PPA2: variants seen among roughly 807,000 people sequenced by gnomAD.
PPA2 encodes the protein inorganic pyrophosphatase 2, mitochondrial.
A neutral mutation model predicts 49.5 loss-of-function variants in PPA2; 48 were observed. The ratio of observed to expected loss-of-function variants is 0.97; its 90% CI spans 0.77 to 1.23. The LOEUF (loss-of-function observed/expected upper bound fraction) is 1.23. PPA2 is among the 50% of genes most tolerant of loss of function. PPA2 has a pLI of 0.00. For missense variants in PPA2, 429 were observed against 410.1 expected, an observed-to-expected ratio of 1.05 and a Z score of -0.40; for synonymous variants, 131 against 139.9, an observed-to-expected ratio of 0.94 and a Z score of 0.45.
At chr4:105,466,090 C>T (rs1723289215) in intron 1 of PPA2, among the ~76,000 whole-genome samples, 1 of 152,024 alleles carries the variant, frequency 6.6e-6, no homozygotes, top group South Asian at 2.1e-4. Flanking sequence ...ACCATTCAAC[C>T]CACTACACCT....
At chr4:105,387,190 C>A (rs991602677) in intron 9 of PPA2, among the ~76,000 whole-genome samples, 1 of 152,100 alleles carries the variant, frequency 6.6e-6, no homozygotes, top group Admixed American at 6.6e-5. Context: ...GAGTCAAAAG[C>A]CTTTCCTATA....
chr4:105,407,597 G>C (rs1200449454), intron 7 of PPA2, among the ~76,000 whole-genome samples: 3 of 152,166 alleles, frequency 2.0e-5, no homozygotes, highest in Non-Finnish European at 4.4e-5. Context: ...ATTTCCAACA[G>C]TAATGTGAAT....
chr4:105,461,234 G>A (rs867959603), intron 1 of PPA2, among the ~76,000 whole-genome samples: 3 of 152,204 alleles, frequency 2.0e-5, no homozygotes, highest in South Asian at 2.1e-4. Flanking sequence ...CAACCTGCAA[G>A]CATGCTCAGT....
intron 6 of PPA2, among the ~76,000 whole-genome samples, chr4:105,427,082 C>A (rs903682434): frequency 1.1e-4 from 17 of 152,192 alleles, no homozygotes; most frequent in African/African-American, 3.9e-4. Flanking sequence ...CTCCAGCAAA[C>A]TCCAACAGAC....
At chr4:105,425,876 A>G (rs1191498055) in intron 6 of PPA2, among the ~76,000 whole-genome samples, 1 of 152,158 alleles carries the variant, frequency 6.6e-6, no homozygotes, top group African/African-American at 2.4e-5. Flanking sequence ...GAGGGGAAAA[A>G]AAGATTACAT....
intron 2 of PPA2, among the ~76,000 whole-genome samples, chr4:105,454,092 T>C (rs1722777811): frequency 6.6e-6 from 1 of 152,112 alleles, no homozygotes. Flanking sequence ...ACCAAGCACT[T>C]TTTTTCTTTT....
Position 105,458,648 on chromosome 4 carries a change from C to T in PPA2, c.158-1903G>A, listed in dbSNP as rs145423452. ...ACCAACCTGACCAACATGGCAAAACCCCGTCTGTACTAAAAATACAAAAAT... is the reference window on the plus strand; with the variant it reads ...ACCAACCTGACCAACATGGCAAAACTCCGTCTGTACTAAAAATACAAAAAT... On this transcript the variant is annotated intron_variant, in intron 1 of 11. Transcript: ENST00000341695. 3.2e-3 allele frequency among the ~76,000 whole-genome samples: 489 copies of T among 151,652 alleles called. 9 individuals carry two copies. The highest frequency in any genetic ancestry group is 0.021 in the East Asian group (108 of 5,138).
intron 6 of PPA2, among the ~76,000 whole-genome samples, chr4:105,431,940 G>A (rs1723820755): frequency 6.6e-6 from 1 of 152,098 alleles, no homozygotes; most frequent in Non-Finnish European, 1.5e-5. Flanking sequence ...AATGAAATGG[G>A]GAGTGACTGC....
chr4:105,400,132 C>T (rs967603357), intron 7 of PPA2, among the ~76,000 whole-genome samples: 1 of 152,020 alleles, frequency 6.6e-6, no homozygotes, highest in African/African-American at 2.4e-5. Context: ...AATTTTATTA[C>T]AGTATATTGT....
intron 7 of PPA2, among the ~76,000 whole-genome samples, chr4:105,402,217 G>A (rs955484622): frequency 2.6e-5 from 4 of 151,516 alleles, no homozygotes; most frequent in Admixed American, 6.6e-5. Context: ...GACCATTCTG[G>A]GCAACATAGT....
chr4:105,404,445 A>G (rs1171977041), intron 7 of PPA2, among the ~76,000 whole-genome samples: 1 of 152,238 alleles, frequency 6.6e-6, no homozygotes, highest in African/African-American at 2.4e-5. Context: ...AAAAATATTC[A>G]GAAAATAATG....
intron 7 of PPA2, among the ~76,000 whole-genome samples, chr4:105,403,375 T>C (rs1039391280): frequency 2.6e-5 from 4 of 152,096 alleles, no homozygotes; most frequent in Non-Finnish European, 5.9e-5. Context: ...AAAGGCTTTA[T>C]AAAGAGTGTC....
chr4:105,386,005 G>A (rs942012942), intron 10 of PPA2, among the ~76,000 whole-genome samples: 1 of 151,172 alleles, frequency 6.6e-6, no homozygotes, highest in African/African-American at 2.4e-5. Context: ...TCAGCCTGCC[G>A]AGTAGCTGGG....
rs757950857 is a variant in PPA2 at position 105,386,565 on chromosome 4, A to T, written c.939+2T>A. On this transcript the variant is annotated splice_donor_variant, in intron 10 of 11. Coordinates refer to ENST00000341695, the MANE Select transcript of PPA2 (RefSeq NM_176869.3). LOFTEE classifies it high-confidence loss of function. ...AGGATGTCTTGGATGTTTGCCCCTT[A>T]CCGATTCAACTAATGATCTTGCTTC... The T allele has an allele frequency of 9.3e-6, 15 of 1,608,558 alleles. No homozygotes were observed. Among genetic ancestry groups the T allele is most frequent in the Non-Finnish European group, 1.0e-5 (12 of 1,175,488 alleles).
chr4:105,433,068 C>T (rs1723885442), intron 6 of PPA2, among the ~76,000 whole-genome samples: 1 of 152,114 alleles, frequency 6.6e-6, no homozygotes, highest in South Asian at 2.1e-4. Context: ...TTACTATAAG[C>T]ATCAGTATTA....
intron 7 of PPA2, among the ~76,000 whole-genome samples, chr4:105,400,048 T>C (rs760616212): frequency 4.6e-5 from 7 of 152,142 alleles, no homozygotes; most frequent in Non-Finnish European, 7.4e-5. Context: ...TGTCTTGATA[T>C]GGCAGTGCTT....
intron 5 of PPA2, among the ~76,000 whole-genome samples, chr4:105,442,706 C>T (rs867268229): frequency 1.3e-5 from 2 of 152,266 alleles, no homozygotes; most frequent in Middle Eastern, 6.8e-3. Flanking sequence ...TTCAGGCTAA[C>T]GGTCTAGACA....
chr4:105,448,383 C>T (rs1210031744), intron 4 of PPA2, among the ~76,000 whole-genome samples: 2 of 151,924 alleles, frequency 1.3e-5, no homozygotes, highest in Non-Finnish European at 2.9e-5. Flanking sequence ...AATTTAAATA[C>T]TTAAAATAAT....
At chr4:105,437,337 C>T (rs2713861) in intron 6 of PPA2, among the ~76,000 whole-genome samples, 56,811 of 151,770 alleles carry the variant, frequency 0.37, 12,570 homozygotes, top group East Asian at 0.67. Context: ...CTGCAGAGAA[C>T]AAGAAATAGT....
Sources: gnomAD v4.1 joint callset for allele counts (sites outside exome capture counted in the v4.1 genomes callset) on GRCh38, gnomAD v4.1.1 for gene constraint, MANE v1.5 for transcripts, NCBI Gene and HGNC (gene_info 2026-07-23, HGNC 2026-07-21) for gene names.